MAGI2: variants seen among roughly 807,000 people sequenced by gnomAD.
The protein encoded by MAGI2 is membrane associated guanylate kinase, WW and PDZ domain containing 2, also known as membrane-associated guanylate kinase, WW and PDZ domain-containing protein 2.
Under a neutral mutation model 133.3 loss-of-function variants are expected in MAGI2, and 35 were observed. The ratio of observed to expected loss-of-function variants is 0.26; its 90% CI spans 0.20 to 0.35. MAGI2 has a LOEUF of 0.35. Among genes scored for constraint, MAGI2 ranks in the 10% least tolerant of loss-of-function variants. The pLI is 1.00. For missense variants in MAGI2, 1,636 were observed against 1,863.4 expected, an observed-to-expected ratio of 0.88 and a Z score of 2.25; for synonymous variants, 729 against 710.6, an observed-to-expected ratio of 1.03 and a Z score of -0.41.
intron 1 of MAGI2, among the ~76,000 whole-genome samples, chr7:79,268,211 C>A (rs1003998077): frequency 1.3e-5 from 2 of 152,116 alleles, no homozygotes; most frequent in Admixed American, 6.6e-5. Flanking sequence ...GTTCAAAACA[C>A]TCAGCATGCC....
intron 6 of MAGI2, among the ~76,000 whole-genome samples, chr7:78,389,721 A>T (rs1795726925): frequency 6.6e-6 from 1 of 152,148 alleles, no homozygotes; most frequent in South Asian, 2.1e-4. Context: ...GGTATTTTCC[A>T]AAGTGTGCTG....
At chr7:78,031,639 C>T (rs1809575679) in intron 21 of MAGI2, among the ~76,000 whole-genome samples, 1 of 151,832 alleles carries the variant, frequency 6.6e-6, no homozygotes, top group Admixed American at 6.5e-5. Flanking sequence ...CAAAGCTTTT[C>T]TAGAATCGTG....
At chr7:79,085,517 ACT>A (rs979804026) in intron 1 of MAGI2, among the ~76,000 whole-genome samples, 1 of 151,610 alleles carries the variant, frequency 6.6e-6, no homozygotes, top group Non-Finnish European at 1.5e-5. Flanking sequence ...ACTGAATTTT[ACT>A]CTGTTTGGGC....
intron 21 of MAGI2, among the ~76,000 whole-genome samples, chr7:78,058,974 AC>A (rs746172917): frequency 6.6e-6 from 1 of 152,110 alleles, no homozygotes; most frequent in South Asian, 2.1e-4. Flanking sequence ...GTCCCTTTAT[AC>A]CATCATTCAG....
intron 1 of MAGI2, among the ~76,000 whole-genome samples, chr7:79,345,775 T>A (rs1841268899): frequency 6.6e-6 from 1 of 152,102 alleles, no homozygotes; most frequent in Admixed American, 6.6e-5. Flanking sequence ...TAGTAACAGC[T>A]TTTTGAAATA....
Position 79,028,338 on chromosome 7 carries a change from C to T in MAGI2, c.302-21132G>A, listed in dbSNP as rs1390425035. Among the ~76,000 whole-genome samples, 22 of 127,228 alleles carry T rather than the reference C, an allele frequency of 1.7e-4. 1 individual carries two copies. Among genetic ancestry groups the T allele is most frequent in the African/African-American group, 4.6e-4 (15 of 32,906 alleles). 83.5% of individuals were successfully genotyped at this position (127,228 alleles called of 152,430 possible). A position where few individuals can be genotyped will look rare whatever the true frequency, so the allele number is the denominator to read the frequency against. On this transcript the variant is annotated intron_variant, in intron 1 of 21. Transcript: ENST00000354212. ...ACACACATATATATACATATATATACACACACACACACACACATACACACA... is the reference window on the plus strand; with the variant it reads ...ACACACATATATATACATATATATATACACACACACACACACATACACACA...
At chr7:78,280,528 ATATT>A (rs1465557429) in intron 9 of MAGI2, among the ~76,000 whole-genome samples, 1 of 152,126 alleles carries the variant, frequency 6.6e-6, no homozygotes, top group African/African-American at 2.4e-5. Context: ...AAGGAGATTG[ATATT>A]TATTAAGTAT....
chr7:78,338,984 AAAACAAACAAACAAAC>A lies in MAGI2; in HGVS notation c.1408+4778_1408+4793del, dbSNP rs3061239. On this transcript the variant is annotated intron_variant, in intron 9 of 21. Coordinates refer to ENST00000354212, the MANE Select transcript of MAGI2 (RefSeq NM_012301.4). ...ACATAGTGAGACCCCATCTCTTGAGAAAACAAACAAACAAACAAACAAACAAACAAACTTCTGTTGC... is the reference window on the plus strand; with the variant it reads ...ACATAGTGAGACCCCATCTCTTGAGAAAACAAACAAACAAACTTCTGTTGC... Among the ~76,000 whole-genome samples, 87 of 150,254 alleles carry A rather than the reference AAAACAAACAAACAAAC, an allele frequency of 5.8e-4. 3 individuals carry two copies. The South Asian group carries it at 0.018, about 31-fold the overall frequency.
In MAGI2 at chr7:79,417,313, C is replaced by T. The variant is rs747122726; in HGVS notation, c.301+35707G>A. Among the ~76,000 whole-genome samples the T allele has an allele frequency of 3.4e-4, 51 of 152,062 alleles. 1 individual carries two copies. The highest frequency in any genetic ancestry group is 2.0e-3 in the Admixed American group (31 of 15,258). On this transcript the variant is annotated intron_variant, in intron 1 of 21. Coordinates refer to ENST00000354212, the MANE Select transcript of MAGI2 (RefSeq NM_012301.4). ...ATTCTCTATATTGAGAAAACCAGAG[C>T]TCTCCTCCATTGATAACATAATAGA...
Position 78,758,721 on chromosome 7 carries a change from T to G in MAGI2, c.419-131482A>C, listed in dbSNP as rs144590743. On this transcript the variant is annotated intron_variant, in intron 2 of 21. Transcript: ENST00000354212. ...TGTGTTGACTAGGCCACCATTTTTT[T>G]GGGCAAACAATGCTCCTTATGCATC... 8.7e-4 allele frequency among the ~76,000 whole-genome samples: 132 copies of G among 152,330 alleles called. No individual in the cohort carries two copies. In the East Asian group the frequency reaches 0.011, roughly 12 times the overall value.
chr7:78,488,970 C>G (rs1219784098), intron 6 of MAGI2, among the ~76,000 whole-genome samples: 1 of 151,954 alleles, frequency 6.6e-6, no homozygotes, highest in Non-Finnish European at 1.5e-5. Context: ...GAACAGAGCT[C>G]TAATAATTTA....
intron 12 of MAGI2, among the ~76,000 whole-genome samples, chr7:78,192,733 A>G (rs1436033701): frequency 6.6e-6 from 1 of 152,186 alleles, no homozygotes; most frequent in Non-Finnish European, 1.5e-5. Flanking sequence ...AGGATAGGAA[A>G]GGAAATGAGC....
intron 1 of MAGI2, among the ~76,000 whole-genome samples, chr7:79,446,812 G>A (rs55965206): frequency 0.21 from 32,403 of 151,986 alleles, 3,546 homozygotes; most frequent in East Asian, 0.29. Flanking sequence ...TTAACCGGGC[G>A]TGGATGGCGG....
rs574470608 is a variant in MAGI2 at position 78,596,395 on chromosome 7, A to G, written c.538+30725T>C. On this transcript the variant is annotated intron_variant, in intron 3 of 21. Coordinates refer to ENST00000354212, the MANE Select transcript of MAGI2 (RefSeq NM_012301.4). ...ATGCTGGGGCAACAAGAGGACCACC[A>G]TCAGTCCTCTGGCCCCAAGAGCTTC... Among the ~76,000 whole-genome samples the G allele has an allele frequency of 5.3e-5, 8 of 152,324 alleles. 1 individual carries two copies. In the East Asian group the frequency reaches 1.5e-3, roughly 29 times the overall value.
chr7:78,120,229 C>T (rs1487487263), intron 20 of MAGI2, among the ~76,000 whole-genome samples: 2 of 151,950 alleles, frequency 1.3e-5, no homozygotes, highest in African/African-American at 4.8e-5. Flanking sequence ...GGTGAAACCC[C>T]GTCTCTACTA....
chr7:79,228,292 A>G (rs1831035880), intron 1 of MAGI2, among the ~76,000 whole-genome samples: 1 of 142,844 alleles, frequency 7.0e-6, no homozygotes, highest in Non-Finnish European at 1.5e-5. Context: ...GCAGTGAACT[A>G]TGATAACACC....
intron 2 of MAGI2, among the ~76,000 whole-genome samples, chr7:78,873,236 G>A (rs1014254749): frequency 6.6e-6 from 1 of 152,142 alleles, no homozygotes; most frequent in Non-Finnish European, 1.5e-5. Flanking sequence ...GCTCCCCTAT[G>A]AAATACTATA....
intron 6 of MAGI2, among the ~76,000 whole-genome samples, chr7:78,430,965 G>T (rs979173566): frequency 6.6e-6 from 1 of 152,010 alleles, no homozygotes; most frequent in African/African-American, 2.4e-5. Flanking sequence ...TTACAATTTT[G>T]CACAGGTTTG....
intron 4 of MAGI2, among the ~76,000 whole-genome samples, chr7:78,511,977 G>GC (rs1431540681): frequency 6.6e-6 from 1 of 151,736 alleles, no homozygotes; most frequent in Admixed American, 6.6e-5. Context: ...AAAAACATTA[G>GC]CCGGGGGTGG....
Sources: allele counts gnomAD v4.1 joint callset (sites outside exome capture counted in the v4.1 genomes callset), GRCh38; gene constraint gnomAD v4.1.1; transcripts MANE v1.5; gene names NCBI Gene and HGNC (gene_info 2026-07-23, HGNC 2026-07-21).